PCDH12: variants seen among roughly 807,000 people sequenced by gnomAD.
PCDH12 encodes protocadherin 12, also known as protocadherin-12.
In PCDH12, 45 loss-of-function variants were observed where a neutral mutation model predicts 70.9. The ratio of observed to expected loss-of-function variants is 0.63; its 90% CI spans 0.50 to 0.81. PCDH12 has a LOEUF of 0.81. Among genes scored for constraint, PCDH12 ranks in the 40% least tolerant of loss-of-function variants. The probability of loss-of-function intolerance (pLI) is 0.00; values close to 1 mark genes in which losing one functional copy is unlikely to be tolerated. For missense variants in PCDH12, 1,370 were observed against 1,491.7 expected (o/e 0.92, Z 1.34); for synonymous variants, 567 against 626.0 (o/e 0.91, Z 1.41).
At chr5:141,949,247 A>G (rs77417151) in intron 3 of PCDH12, 185 bp downstream of exon 3, 1 of 919,696 alleles carries the variant, frequency 1.1e-6, no homozygotes, top group East Asian at 1.2e-4. Context: ...AAAAAAAAAA[A>G]TCAAAGTAGA....
chr5:141,957,845 G>A lies in PCDH12; in HGVS notation c.7C>T (p.Gln3Ter). The change falls in exon 1 of 4, where the codon CAA (glutamine) becomes TAA (stop). Residue 3 changes from glutamine to a stop codon, truncating the protein, a stop_gained. Transcript: ENST00000231484. LOFTEE classifies it high-confidence loss of function. The surrounding 1 kb of genome is among the most constrained non-coding windows in gnomAD (Gnocchi z 4.3). ...AGCCCCAGCAGAAGTTGCAGAAGTT[G>A]CATCATGCTTACCGCCAAGTGGGCT... The part of the protein sequence containing the change: MM[Q>*]LLQLLLGLLG... 2 of 1,597,802 alleles carry A rather than the reference G, an allele frequency of 1.3e-6. No individual in the cohort carries two copies. Among genetic ancestry groups the A allele is most frequent in the Non-Finnish European group, 1.7e-6 (2 of 1,178,330 alleles).
In PCDH12 at chr5:141,957,694, A is replaced by G. The variant is rs754142985; in HGVS notation, c.158T>C (p.Leu53Pro). The G allele has an allele frequency of 2.5e-6, 4 of 1,614,144 alleles. No homozygotes were observed. The highest frequency in any genetic ancestry group is 1.7e-5 in the Admixed American group (1 of 60,026). ...GTVIGKLSQE[L>P]GREERRRQAG... ...TTGCCTCCGCCTCTCCTCCCGGCCC[A>G]GTTCCTGGGACAGCTTCCCGATCAC... Residue 53 changes from leucine (L) to proline (P), a missense_variant, in exon 1 of 4, where the codon CTG becomes CCG. Coordinates refer to ENST00000231484, the MANE Select transcript of PCDH12 (RefSeq NM_016580.4). This position sits in a 1 kb window ranked among gnomAD's most constrained non-coding sequence, Gnocchi z 4.3.
chr5:141,955,595 G>T lies in PCDH12; in HGVS notation c.2257C>A (p.Arg753=), dbSNP rs748195711. The T allele has an allele frequency of 2.5e-6, 4 of 1,614,140 alleles. No individual in the cohort carries two copies. Among genetic ancestry groups the T allele is most frequent in the Non-Finnish European group, 3.4e-6 (4 of 1,180,030 alleles). ...TGGCGGTAGGTGGACTCGGCCTCCCGACAGTTGTAGGCCCTGTTGTCCTTC... is the reference window on the plus strand; with the variant it reads ...TGGCGGTAGGTGGACTCGGCCTCCCTACAGTTGTAGGCCCTGTTGTCCTTC... ...EKKDNRAYNC[R]EAESTYRQQP... is the part of the protein sequence containing the mutation. Residue 753 remains arginine, a synonymous_variant, in exon 1 of 4, where the codon CGG becomes AGG. Coordinates refer to ENST00000231484, the MANE Select transcript of PCDH12 (RefSeq NM_016580.4). This position sits in a 1 kb window ranked among gnomAD's most constrained non-coding sequence, Gnocchi z 5.5.
In PCDH12 at chr5:141,955,588, G is replaced by C; in HGVS notation, c.2264C>G (p.Ala755Gly). Residue 755 changes from alanine to glycine, a missense_variant, in exon 1 of 4, where the codon GCC (alanine) becomes GGC (glycine). By Grantham distance (60) the Ala-to-Gly change is moderately conservative. Coordinates refer to ENST00000231484, the MANE Select transcript of PCDH12 (RefSeq NM_016580.4). This position sits in a 1 kb window ranked among gnomAD's most constrained non-coding sequence, Gnocchi z 5.5. The stretch of plus-strand genomic sequence containing the variant: ...GGGCTGCTGGCGGTAGGTGGACTCG[G>C]CCTCCCGACAGTTGTAGGCCCTGTT... Reference protein sequence around the residue: ...KDNRAYNCREAESTYRQQPKR... With the variant: ...KDNRAYNCREGESTYRQQPKR... 6.2e-7 allele frequency: 1 copy of C among 1,614,140 alleles called. No individual in the cohort carries two copies.
rs105633 is a variant in PCDH12, at chr5:141,945,684, T to C, written c.3252A>G (p.Pro1084=). The change falls in exon 4 of 4, where the codon CCA becomes CCG. Residue 1084 remains proline (P), a synonymous_variant. Coordinates refer to ENST00000231484, the MANE Select transcript of PCDH12 (RefSeq NM_016580.4). The part of the protein sequence containing the change: ...ISPDAAATEE[P]RTFQTFGKAE... ...CCTTGCCGAACGTCTGGAAGGTCCT[T>C]GGCTCCTCCGTGGCTGCAGCATCCG... 1,585,819 of 1,614,212 alleles carry C rather than the reference T, an allele frequency of 0.98. 779,055 individuals are homozygous for C. The highest frequency in any genetic ancestry group is 1 in the East Asian group (44,859 of 44,864).
chr5:141,956,619 C>A lies in PCDH12; in HGVS notation c.1233G>T (p.Met411Ile). ...TGTCCAGTGTGGCATTGGTTAGCAA[C>A]ATGTATGTGTTGCCATTAGTTCTTT... ...RLKRTNGNTYMLLTNATLDRE... is the reference protein window; with the variant it reads ...RLKRTNGNTYILLTNATLDRE... Residue 411 changes from methionine to isoleucine, a missense_variant, in exon 1 of 4, where the codon ATG (methionine) becomes ATT (isoleucine). Physicochemically the swap from Met to Ile is conservative, Grantham distance 10. Transcript: ENST00000231484. The A allele has an allele frequency of 6.2e-7, 1 of 1,614,212 alleles. No homozygotes were observed. Among genetic ancestry groups the A allele is most frequent in the Non-Finnish European group, 8.5e-7 (1 of 1,180,048 alleles).
Position 141,944,443 on chromosome 5 carries a change from C to G in PCDH12, c.*938G>C, listed in dbSNP as rs1752853850. 1 of 152,272 alleles carries G rather than the reference C, an allele frequency of 6.6e-6. No individual in the cohort carries two copies. The highest frequency in any genetic ancestry group is 2.1e-4 in the South Asian group (1 of 4,834). 9.4% of individuals were successfully genotyped at this position (152,272 alleles called of 1,614,324 possible). A position where few individuals can be genotyped will look rare whatever the true frequency, so the allele number is the denominator to read the frequency against. On this transcript the variant is annotated 3_prime_UTR_variant, in exon 4 of 4. Transcript: ENST00000231484. ...TCCCGAGGGAGCTCGAGCAAGTTCA[C>G]TGCTGCCAACAGCTCACCTCCAGGG...
In PCDH12 at chr5:141,945,988, G is replaced by C. The variant is rs915004413; in HGVS notation, c.3131-183C>G. On this transcript the variant is annotated intron_variant, in intron 3 of 3. Coordinates refer to ENST00000231484, the MANE Select transcript of PCDH12 (RefSeq NM_016580.4). ...CCCTGACAGGGAAGCTCCCTGGGTA[G>C]GAAAGCAGTCGACTGACACACCCGG... is the stretch of plus-strand genomic sequence containing the variant. Among the ~76,000 whole-genome samples, 9 of 152,210 alleles carry C rather than the reference G, an allele frequency of 5.9e-5. 1 individual carries two copies. The highest frequency in any genetic ancestry group is 1.0e-4 in the Non-Finnish European group (7 of 68,026).
Position 141,957,771 on chromosome 5 carries a change from C to A in PCDH12, c.81G>T (p.Val27=). 1 of 1,610,162 alleles carries A rather than the reference C, an allele frequency of 6.2e-7. No individual in the cohort carries two copies. Among genetic ancestry groups the A allele is most frequent in the Non-Finnish European group, 8.5e-7 (1 of 1,180,008 alleles). The change falls in exon 1 of 4, where the codon GTG becomes GTT. Residue 27 remains valine (V), a synonymous_variant. Coordinates refer to ENST00000231484, the MANE Select transcript of PCDH12 (RefSeq NM_016580.4). The surrounding 1 kb of genome is among the most constrained non-coding windows in gnomAD (Gnocchi z 4.3). The stretch of plus-strand genomic sequence containing the variant: ...CTTGGTATTTCACCGTGAGAGTGGT[C>A]ACCTCCTGACAATCCCCTAAAAGAA... ...YLFLLGDCQE[V]TTLTVKYQVS... is the part of the protein sequence containing the mutation.
chr5:141,951,488 C>T lies in PCDH12; in HGVS notation c.2978+5G>A. ...AGATGCCTGTGGGGGCTACGTGCTG[C>T]TTACCTGCTGCCTCCTGGCTTGGCC... On this transcript the variant is annotated splice_donor_5th_base_variant and intron_variant, in intron 2 of 3. Transcript: ENST00000231484. 3.1e-6 allele frequency: 5 copies of T among 1,613,170 alleles called. No homozygotes were observed. The highest frequency in any genetic ancestry group is 4.2e-6 in the Non-Finnish European group (5 of 1,179,184).
chr5:141,956,173 T>G lies in PCDH12; in HGVS notation c.1679A>C (p.Asp560Ala). The G allele has an allele frequency of 6.2e-7, 1 of 1,614,184 alleles. No individual in the cohort carries two copies. The highest frequency in any genetic ancestry group is 8.5e-7 in the Non-Finnish European group (1 of 1,180,030). The change falls in exon 1 of 4, where the codon GAT becomes GCT. Residue 560 changes from aspartate (D) to alanine (A), a missense_variant. Coordinates refer to ENST00000231484, the MANE Select transcript of PCDH12 (RefSeq NM_016580.4). ...AGGCTGGACCACCTCTGGGGCATTA[T>G]CATTGGCATCCAAGAGGCTGACCCA... ...SVWVSLLDAN[D>A]NAPEVVQPVL... is the part of the protein sequence containing the mutation.
rs941700709 is a variant in PCDH12, at chr5:141,945,100, A to G, written c.*281T>C. 17 of 444,520 alleles carry G rather than the reference A, an allele frequency of 3.8e-5. 1 individual carries two copies. Among genetic ancestry groups the G allele is most frequent in the African/African-American group, 3.4e-4 (17 of 50,120 alleles). 27.5% of individuals were successfully genotyped at this position (444,520 alleles called of 1,614,324 possible). ...TACTCCGTGGCATCTGTTCTGCCAG[A>G]GGACTGACCCTTTGTGCTCCACATA... On this transcript the variant is annotated 3_prime_UTR_variant, in exon 4 of 4. Coordinates refer to ENST00000231484, the MANE Select transcript of PCDH12 (RefSeq NM_016580.4).
chr5:141,945,531 C>T lies in PCDH12; in HGVS notation c.3405G>A (p.Ala1135=), dbSNP rs367855715. The change falls in exon 4 of 4, where the codon GCG becomes GCA. Residue 1135 remains alanine, a synonymous_variant. Coordinates refer to ENST00000231484, the MANE Select transcript of PCDH12 (RefSeq NM_016580.4). ...SSMPVEAASE[A]LRRLSVCGRT... Reference sequence around the variant, plus strand: ...TCCCGCAGACCGAGAGCCGCCGCAGCGCCTCGGAGGCGGCCTCCACGGGCA... The same window carrying T: ...TCCCGCAGACCGAGAGCCGCCGCAGTGCCTCGGAGGCGGCCTCCACGGGCA... 12 of 1,613,784 alleles carry T rather than the reference C, an allele frequency of 7.4e-6. No homozygotes were observed. The highest frequency in any genetic ancestry group is 6.7e-5 in the Admixed American group (4 of 59,980).
rs1393172557 is a variant in PCDH12, at chr5:141,956,210, T to G, written c.1642A>C (p.Ser548Arg). 2 of 1,614,066 alleles carry G rather than the reference T, an allele frequency of 1.2e-6. No individual in the cohort carries two copies. The highest frequency in any genetic ancestry group is 2.7e-5 in the African/African-American group (2 of 74,922). ...EDSGQPMLAS[S>R]VSVWVSLLDA... Reference sequence around the variant, plus strand: ...AAGAGGCTGACCCACACAGAGACACTGGATGCAAGCATGGGTTGCCCGCTG... The same window carrying G: ...AAGAGGCTGACCCACACAGAGACACGGGATGCAAGCATGGGTTGCCCGCTG... Residue 548 changes from serine (S) to arginine (R), a missense_variant, in exon 1 of 4, where the codon AGT becomes CGT. Coordinates refer to ENST00000231484, the MANE Select transcript of PCDH12 (RefSeq NM_016580.4).
chr5:141,948,487 C>T (rs533987275), intron 3 of PCDH12, among the ~76,000 whole-genome samples: 4 of 152,200 alleles, frequency 2.6e-5, no homozygotes, highest in East Asian at 1.9e-4. Context: ...ACAGCAGGGG[C>T]GGGGGGCGCT....
chr5:141,955,598 A>G lies in PCDH12; in HGVS notation c.2254T>C (p.Cys752Arg). The G allele has an allele frequency of 6.2e-7, 1 of 1,614,154 alleles. No individual in the cohort carries two copies. ...TEKKDNRAYN[C>R]REAESTYRQQ... is the part of the protein sequence containing the mutation. Reference sequence around the variant, plus strand: ...CGGTAGGTGGACTCGGCCTCCCGACAGTTGTAGGCCCTGTTGTCCTTCTTT... The same window carrying G: ...CGGTAGGTGGACTCGGCCTCCCGACGGTTGTAGGCCCTGTTGTCCTTCTTT... Residue 752 changes from cysteine (C) to arginine (R), a missense_variant, in exon 1 of 4, where the codon TGT (cysteine) becomes CGT (arginine). By Grantham distance (180) the Cys-to-Arg change is radical. Transcript: ENST00000231484. This position sits in a 1 kb window ranked among gnomAD's most constrained non-coding sequence, Gnocchi z 5.5.
At chr5:141,954,414 T>A (rs912135337) in intron 1 of PCDH12, among the ~76,000 whole-genome samples, 8 of 152,184 alleles carry the variant, frequency 5.3e-5, no homozygotes, top group African/African-American at 1.9e-4. Flanking sequence ...ATAGTAATAA[T>A]TTGCTGAGTA....
In PCDH12 at chr5:141,957,814, C is replaced by T. The variant is rs1405909214; in HGVS notation, c.38G>A (p.Gly13Glu). ...TAAAAGAAATAAGTAGCCACCTGGC[C>T]CCAAAAGCCCCAGCAGAAGTTGCAG... The part of the protein sequence containing the change: ...QLLQLLLGLL[G>E]PGGYLFLLGD... Residue 13 changes from glycine to glutamate, a missense_variant, in exon 1 of 4, where the codon GGG (glycine) becomes GAG (glutamate). Transcript: ENST00000231484. The surrounding 1 kb of genome is among the most constrained non-coding windows in gnomAD (Gnocchi z 4.3). 1 of 1,601,724 alleles carries T rather than the reference C, an allele frequency of 6.2e-7. No homozygotes were observed. The highest frequency in any genetic ancestry group is 1.7e-4 in the Middle Eastern group (1 of 6,054).
At chr5:141,954,289 G>A (rs1753139050) in intron 1 of PCDH12, among the ~76,000 whole-genome samples, 1 of 152,172 alleles carries the variant, frequency 6.6e-6, no homozygotes, top group Admixed American at 6.5e-5. Flanking sequence ...CAAATTATTT[G>A]CAACACCTGG....
Sources: allele counts gnomAD v4.1 joint callset (sites outside exome capture counted in the v4.1 genomes callset), GRCh38; gene constraint gnomAD v4.1.1; non-coding constraint Gnocchi (gnomAD v3.1); transcripts MANE v1.5; gene names NCBI Gene and HGNC (gene_info 2026-07-23, HGNC 2026-07-21).